Variants in CDH12 observed in about 807,000 individuals in gnomAD.
CDH12 encodes the protein cadherin-12.
CDH12 carries 41 observed loss-of-function variants against 74.1 expected under a neutral mutation model. The ratio of observed to expected loss-of-function variants is 0.55; its 90% CI spans 0.43 to 0.72. The LOEUF is 0.72. Ranked by LOEUF, CDH12 falls within the 30% of genes least tolerant of loss-of-function variation. The pLI is 0.00. For missense variants in CDH12, 945 were observed against 977.2 expected, an observed-to-expected ratio of 0.97 and a Z score of 0.44; for synonymous variants, 399 against 355.0, an observed-to-expected ratio of 1.12 and a Z score of -1.39.
At chr5:21,883,754 A>G (rs528477797) in intron 6 of CDH12, 1,153 of 1,583,280 alleles carry the variant, frequency 7.3e-4, no homozygotes, top group Non-Finnish European at 8.7e-4. Context: ...ATGAAAAGGA[A>G]AAACTGAATG....
chr5:22,367,779 A>G (rs971044339), intron 3 of CDH12, among the ~76,000 whole-genome samples: 30 of 152,312 alleles, frequency 2.0e-4, no homozygotes, highest in East Asian at 7.7e-4. Flanking sequence ...ACCCTAATAA[A>G]TGCTTGCAAG....
chr5:22,227,162 C>A (rs1438092816), intron 3 of CDH12, among the ~76,000 whole-genome samples: 2 of 152,078 alleles, frequency 1.3e-5, no homozygotes, highest in African/African-American at 4.8e-5. Flanking sequence ...TTGCATGACA[C>A]TGGATCACGG....
intron 1 of CDH12, among the ~76,000 whole-genome samples, chr5:22,739,306 T>TA (rs1266788970): frequency 2.0e-4 from 27 of 132,624 alleles, no homozygotes; most frequent in Admixed American, 6.1e-4. Flanking sequence ...TTTTTGAATT[T>TA]AAAAATTTTA....
chr5:22,423,839 T>C (rs1013674397), intron 2 of CDH12, among the ~76,000 whole-genome samples: 3 of 150,998 alleles, frequency 2.0e-5, no homozygotes, highest in Admixed American at 2.0e-4. Context: ...CCGTCTCTAC[T>C]AAAAATACAA....
At chr5:22,741,039 A>G (rs1211654430) in intron 1 of CDH12, among the ~76,000 whole-genome samples, 1 of 152,194 alleles carries the variant, frequency 6.6e-6, no homozygotes, top group African/African-American at 2.4e-5. Context: ...CCAAAGTAGA[A>G]GAGAATTTAG....
intron 3 of CDH12, among the ~76,000 whole-genome samples, chr5:22,304,735 A>ATG (rs1288452783): frequency 6.6e-6 from 1 of 152,196 alleles, no homozygotes. Flanking sequence ...AACCTGACAA[A>ATG]TGTGTGTGTA....
chr5:21,919,496 A>C (rs1015845833), intron 6 of CDH12, among the ~76,000 whole-genome samples: 6 of 151,704 alleles, frequency 4.0e-5, no homozygotes, highest in Admixed American at 3.3e-4. Context: ...TAAGCTGCCT[A>C]TTCACCCTCC....
At chr5:21,758,579 T>A (rs1002979603) in intron 13 of CDH12, among the ~76,000 whole-genome samples, 2 of 152,198 alleles carry the variant, frequency 1.3e-5, no homozygotes, top group Non-Finnish European at 2.9e-5. Context: ...TTAGAGGACA[T>A]AAAATACCCA....
At chr5:22,329,521 C>A (rs1241023549) in intron 3 of CDH12, among the ~76,000 whole-genome samples, 1 of 152,204 alleles carries the variant, frequency 6.6e-6, no homozygotes, top group Non-Finnish European at 1.5e-5. Context: ...TAACAACCAT[C>A]TGCACACAGA....
chr5:22,011,678 C>T lies in CDH12; in HGVS notation c.232-36293G>A, dbSNP rs546734566. On this transcript the variant is annotated intron_variant, in intron 5 of 14. Coordinates refer to ENST00000382254, the MANE Select transcript of CDH12 (RefSeq NM_004061.5). ...TTTTATTTTTCTTTCATTTTGATGT[C>T]CTCATCTAATTAATTTTATTTTATT... 3.9e-5 allele frequency among the ~76,000 whole-genome samples: 6 copies of T among 152,130 alleles called. No homozygotes were observed. The East Asian group carries it at 1.2e-3, about 29-fold the overall frequency.
intron 1 of CDH12, among the ~76,000 whole-genome samples, chr5:22,827,665 G>C (rs1380611704): frequency 6.6e-6 from 1 of 152,074 alleles, no homozygotes; most frequent in Non-Finnish European, 1.5e-5. Context: ...GTGCATCTCA[G>C]AATAGTATAC....
intron 5 of CDH12, among the ~76,000 whole-genome samples, chr5:21,983,040 A>G: frequency 6.6e-6 from 1 of 151,966 alleles, no homozygotes; most frequent in Non-Finnish European, 1.5e-5. Context: ...ACAATTGTCA[A>G]CCTGGAATTT....
chr5:22,320,250 T>C (rs1006476234), intron 3 of CDH12, among the ~76,000 whole-genome samples: 8 of 152,284 alleles, frequency 5.3e-5, no homozygotes, highest in Admixed American at 3.3e-4. Context: ...GAATTAAGTA[T>C]AGGTGACTTG....
intron 4 of CDH12, among the ~76,000 whole-genome samples, chr5:22,198,476 T>C (rs1300644663): frequency 2.0e-5 from 3 of 152,138 alleles, no homozygotes; most frequent in Non-Finnish European, 4.4e-5. Context: ...TCGTAACAAA[T>C]GCCTAAGGAA....
chr5:22,274,223 G>C (rs1028248282), intron 3 of CDH12, among the ~76,000 whole-genome samples: 10 of 152,086 alleles, frequency 6.6e-5, no homozygotes, highest in African/African-American at 2.4e-4. Context: ...TAAATATTTA[G>C]GGATAAGGAT....
intron 1 of CDH12, among the ~76,000 whole-genome samples, chr5:22,744,523 T>C (rs1745198955): frequency 6.6e-6 from 1 of 152,246 alleles, no homozygotes; most frequent in Non-Finnish European, 1.5e-5. Flanking sequence ...AGTTTATATT[T>C]TACATTATTT....
chr5:22,681,516 C>A (rs995042299), intron 1 of CDH12, among the ~76,000 whole-genome samples: 3 of 151,918 alleles, frequency 2.0e-5, no homozygotes, highest in African/African-American at 4.8e-5. Flanking sequence ...TCTGTCACAT[C>A]GCTTCACTTG....
intron 4 of CDH12, among the ~76,000 whole-genome samples, chr5:22,132,377 A>C (rs1439339469): frequency 6.6e-6 from 1 of 151,974 alleles, no homozygotes; most frequent in Non-Finnish European, 1.5e-5. Context: ...CCATGAAGTG[A>C]CTTTGCTGTT....
intron 6 of CDH12, chr5:21,883,735 C>T: frequency 1.3e-6 from 2 of 1,588,830 alleles, no homozygotes; most frequent in Non-Finnish European, 1.7e-6. Context: ...GATGTCACAA[C>T]TAGTGAATAT....
Sources: allele counts gnomAD v4.1 joint callset (sites outside exome capture counted in the v4.1 genomes callset), GRCh38; gene constraint gnomAD v4.1.1; transcripts MANE v1.5; gene names NCBI Gene and HGNC (gene_info 2026-07-23, HGNC 2026-07-21).